Variants in KCNN2 observed in about 807,000 individuals in gnomAD.
KCNN2 encodes the protein potassium calcium-activated channel subfamily N member 2.
Under a neutral mutation model 55.5 loss-of-function variants are expected in KCNN2, and 24 were observed. That is an observed-to-expected ratio of 0.43 (90% CI 0.31 to 0.61). The LOEUF is 0.61. KCNN2 is among the 20% of genes least tolerant of loss of function. KCNN2 has a pLI of 0.08. For missense variants in KCNN2, 754 were observed against 853.6 expected, an observed-to-expected ratio of 0.88 and a Z score of 1.45; for synonymous variants, 431 against 336.1, an observed-to-expected ratio of 1.28 and a Z score of -3.09.
intron 6 of KCNN2, among the ~76,000 whole-genome samples, chr5:114,490,349 A>C (rs1747788488): frequency 1.3e-5 from 2 of 152,174 alleles, no homozygotes; most frequent in Non-Finnish European, 1.5e-5. Flanking sequence ...TTTTAACCAT[A>C]TCACATTCAT....
chr5:114,159,356 C>G (rs1283320333), intron 1 of KCNN2, among the ~76,000 whole-genome samples: 1 of 152,168 alleles, frequency 6.6e-6, no homozygotes, highest in Non-Finnish European at 1.5e-5. Context: ...ATGAAGCCCA[C>G]TTGATCATGG....
intron 3 of KCNN2, among the ~76,000 whole-genome samples, chr5:114,440,805 TGTGTA>T (rs1760177390): frequency 7.2e-6 from 1 of 138,756 alleles, no homozygotes; most frequent in South Asian, 2.5e-4. Flanking sequence ...AATAGAAAAA[TGTGTA>T]GTATGAAGGG....
At chr5:114,159,329 A>C (rs1378595159) in intron 1 of KCNN2, among the ~76,000 whole-genome samples, 1 of 152,228 alleles carries the variant, frequency 6.6e-6, no homozygotes, top group Non-Finnish European at 1.5e-5. Flanking sequence ...ATATTGAACC[A>C]GCCTTGCATC....
intron 1 of KCNN2, among the ~76,000 whole-genome samples, chr5:114,178,593 C>A (rs1417913474): frequency 6.6e-6 from 1 of 152,192 alleles, no homozygotes; most frequent in Non-Finnish European, 1.5e-5. Context: ...CTCTACAATG[C>A]ATAATTTTCC....
intron 1 of KCNN2, among the ~76,000 whole-genome samples, chr5:114,091,770 T>C (rs1221300399): frequency 6.6e-6 from 1 of 152,084 alleles, no homozygotes; most frequent in Non-Finnish European, 1.5e-5. Flanking sequence ...AACAACCAAA[T>C]GCTTATAAAA....
At chr5:114,258,589 A>T (rs1374026289) in intron 2 of KCNN2, among the ~76,000 whole-genome samples, 2 of 151,956 alleles carry the variant, frequency 1.3e-5, no homozygotes, top group East Asian at 3.9e-4. Context: ...TTTTTCCAGG[A>T]ATTTATACAT....
At chr5:114,278,785 T>G (rs1291379315) in intron 2 of KCNN2, among the ~76,000 whole-genome samples, 1 of 152,158 alleles carries the variant, frequency 6.6e-6, no homozygotes, top group Non-Finnish European at 1.5e-5. Context: ...ACAGCTTCCT[T>G]TGACTAGGAA....
intron 2 of KCNN2, among the ~76,000 whole-genome samples, chr5:114,316,881 A>G (rs577563468): frequency 6.6e-6 from 1 of 152,340 alleles, no homozygotes; most frequent in Non-Finnish European, 1.5e-5. Flanking sequence ...CCACATGCAC[A>G]AGAAAAAGGC....
At chr5:114,389,874 T>C (rs1268324068) in intron 2 of KCNN2, among the ~76,000 whole-genome samples, 3 of 152,252 alleles carry the variant, frequency 2.0e-5, no homozygotes, top group Non-Finnish European at 2.9e-5. Context: ...TTTTTTTGCT[T>C]TATAAATATT....
chr5:114,126,021 A>G (rs76931183), intron 1 of KCNN2, among the ~76,000 whole-genome samples: 16,816 of 152,140 alleles, frequency 0.11, 1,180 homozygotes, highest in Non-Finnish European at 0.15. Context: ...GTTTTCTAGC[A>G]ATCTTTGGCA....
rs202114511 is a variant in KCNN2 at position 114,393,778 on chromosome 5, CT to C, written c.1219-10656del. Among the ~76,000 whole-genome samples the C allele has an allele frequency of 4.1e-3, 612 of 150,944 alleles. 6 individuals carry two copies. The highest frequency in any genetic ancestry group is 0.014 in the African/African-American group (563 of 41,180). On this transcript the variant is annotated intron_variant, in intron 2 of 7. Coordinates refer to ENST00000673685, the MANE Select transcript of KCNN2 (RefSeq NM_021614.4). ...TGCACAAATAATAGCATGTACTTTG[CT>C]TTTAAAAAAAAAACCCTCAGTACTT...
chr5:114,280,681 G>T (rs902911317), intron 2 of KCNN2, among the ~76,000 whole-genome samples: 3 of 152,100 alleles, frequency 2.0e-5, no homozygotes, highest in African/African-American at 7.2e-5. Flanking sequence ...ACCTGACACT[G>T]CAGTAGCCTG....
chr5:114,176,743 A>G (rs530207078), intron 1 of KCNN2, among the ~76,000 whole-genome samples: 1 of 152,346 alleles, frequency 6.6e-6, no homozygotes, highest in African/African-American at 2.4e-5. Flanking sequence ...GAAGCTAGGT[A>G]TTCATAAGCA....
chr5:114,444,778 T>G (rs1406865299), intron 3 of KCNN2, among the ~76,000 whole-genome samples: 1 of 152,188 alleles, frequency 6.6e-6, no homozygotes, highest in African/African-American at 2.4e-5. Flanking sequence ...TATGCTGACC[T>G]GAAGCTTCAC....
chr5:114,393,694 T>C (rs1037839980), intron 2 of KCNN2, among the ~76,000 whole-genome samples: 6 of 152,138 alleles, frequency 3.9e-5, no homozygotes, highest in African/African-American at 2.4e-5. Context: ...TGGAGTATTC[T>C]TTCAGAGATA....
intron 2 of KCNN2, among the ~76,000 whole-genome samples, chr5:114,330,625 G>A (rs1197754655): frequency 1.7e-5 from 1 of 58,126 alleles, no homozygotes; most frequent in Non-Finnish European, 3.8e-5. Context: ...ATACCTCCAA[G>A]CCTCCTGTCC....
In KCNN2 at chr5:114,464,964, G is replaced by A. The variant is rs555423214; in HGVS notation, c.1779+1774G>A. Among the ~76,000 whole-genome samples the A allele has an allele frequency of 4.6e-5, 7 of 152,120 alleles. No individual in the cohort carries two copies. The South Asian group carries it at 6.2e-4, about 14-fold the overall frequency. ...TAGGAGGCCCATAACAAGTCCACAA[G>A]GGATATAAATGATGCTATTTATAAA... On this transcript the variant is annotated intron_variant, in intron 4 of 7. Transcript: ENST00000673685.
intron 1 of KCNN2, among the ~76,000 whole-genome samples, chr5:114,135,151 C>T (rs978105248): frequency 6.6e-6 from 1 of 151,512 alleles, no homozygotes; most frequent in African/African-American, 2.4e-5. Context: ...CGAAGAAACA[C>T]GGCACCCTAA....
At chr5:114,194,185 A>G (rs1484127258) in intron 1 of KCNN2, among the ~76,000 whole-genome samples, 3 of 152,058 alleles carry the variant, frequency 2.0e-5, no homozygotes, top group South Asian at 2.1e-4. Context: ...TTGTGTAGAC[A>G]TATGTTTGCA....
Sources: gnomAD v4.1 joint callset for allele counts (sites outside exome capture counted in the v4.1 genomes callset) on GRCh38, gnomAD v4.1.1 for gene constraint, MANE v1.5 for transcripts, NCBI Gene and HGNC (gene_info 2026-07-23, HGNC 2026-07-21) for gene names.